Variants in ATP9B observed in about 807,000 individuals in gnomAD.
The protein encoded by ATP9B is probable phospholipid-transporting ATPase IIB.
A neutral mutation model predicts 146.1 loss-of-function variants in ATP9B; 110 were observed. The ratio of observed to expected loss-of-function variants is 0.75; its 90% confidence interval spans 0.65 to 0.88. The LOEUF (loss-of-function observed/expected upper bound fraction) is 0.88, where lower values mean the gene tolerates loss of function less well. Ranked by LOEUF, ATP9B falls within the 40% of genes least tolerant of loss-of-function variation. The pLI is 0.00. For synonymous variants in ATP9B, 604 were observed against 569.7 expected, an observed-to-expected ratio of 1.06 and a Z score of -0.86; for missense variants, 1,499 against 1,496.4, an observed-to-expected ratio of 1.00 and a Z score of -0.03.
At chr18:79,105,719 T>G (rs2075608858) in intron 2 of ATP9B, among the ~76,000 whole-genome samples, 2 of 152,226 alleles carry the variant, frequency 1.3e-5, no homozygotes, top group African/African-American at 4.8e-5. Flanking sequence ...CACTTTGTCC[T>G]TAGGAAAGTG....
At chr18:79,253,637 A>G (rs928092152) in intron 12 of ATP9B, 96 bp downstream of exon 12, 2 of 1,306,308 alleles carry the variant, frequency 1.5e-6, no homozygotes, top group African/African-American at 3.0e-5. Context: ...TTACCCAAAC[A>G]AAGCTAGAGA....
Position 79,234,569 on chromosome 18 carries a change from T to C in ATP9B, c.1108-18812T>C, listed in dbSNP as rs529031533. On this transcript the variant is annotated intron_variant, in intron 11 of 29. Coordinates refer to ENST00000426216, the MANE Select transcript of ATP9B (RefSeq NM_198531.5). ...CATGCTTGCTGCGGGCGTGCTGCTG[T>C]GGGCTTGCTTGCTGTGGGTGTGCTT... 2.6e-5 allele frequency among the ~76,000 whole-genome samples: 4 copies of C among 152,134 alleles called. No homozygotes were observed. In the East Asian group the frequency reaches 7.8e-4, roughly 29 times the overall value.
intron 11 of ATP9B, among the ~76,000 whole-genome samples, chr18:79,250,490 G>A (rs1468329134): frequency 1.3e-5 from 2 of 152,160 alleles, no homozygotes; most frequent in African/African-American, 4.8e-5. Context: ...CTGATCCTCA[G>A]TGAGGCCTGA....
intron 4 of ATP9B, among the ~76,000 whole-genome samples, chr18:79,118,288 T>C (rs1372445948): frequency 6.6e-6 from 1 of 152,100 alleles, no homozygotes; most frequent in African/African-American, 2.4e-5. Flanking sequence ...CTGCTGTTGA[T>C]TTTTTTCATT....
intron 9 of ATP9B, among the ~76,000 whole-genome samples, chr18:79,201,718 C>T (rs1378130410): frequency 2.0e-5 from 3 of 152,002 alleles, no homozygotes; most frequent in Non-Finnish European, 2.9e-5. Context: ...TACGGGTGTG[C>T]GCCACCAAGC....
At chr18:79,352,152 G>A (rs913008480) in intron 25 of ATP9B, among the ~76,000 whole-genome samples, 3 of 152,228 alleles carry the variant, frequency 2.0e-5, no homozygotes, top group Non-Finnish European at 4.4e-5. Context: ...AGCTGCCGGC[G>A]AGGACCTCAC....
At chr18:79,256,284 T>TATATATATATATATATATATACAC (rs1217998447) in intron 12 of ATP9B, among the ~76,000 whole-genome samples, 4 of 122,898 alleles carry the variant, frequency 3.3e-5, no homozygotes, top group African/African-American at 5.9e-5. Flanking sequence ...TATATATATA[T>TATATATATATATATATATATACAC]ATACATACAT....
Position 79,337,450 on chromosome 18 carries a change from G to C in ATP9B, c.2283+1G>C, listed in dbSNP as rs767092005. 9.3e-6 allele frequency: 15 copies of C among 1,608,472 alleles called. No homozygotes were observed. The highest frequency in any genetic ancestry group is 1.2e-5 in the Non-Finnish European group (14 of 1,179,256). The stretch of plus-strand genomic sequence containing the variant: ...GATGCTGCGCAACGCCGGGATCAAG[G>C]TACTGCAGGCTCACCTCTGCTGGCG... On this transcript the variant is annotated splice_donor_variant, in intron 19 of 29. Transcript: ENST00000426216. LOFTEE classifies it high-confidence loss of function.
rs954878016 is a variant in ATP9B at position 79,213,902 on chromosome 18, G to A, written c.1031-60G>A. On this transcript the variant is annotated intron_variant, in intron 10 of 29. Coordinates refer to ENST00000426216, the MANE Select transcript of ATP9B (RefSeq NM_198531.5). ...TTCCATCAAAACAATTAATTAGAAA[G>A]TGTTATCTTTTACTCATCTTTAAAG... The A allele has an allele frequency of 2.5e-6, 3 of 1,189,542 alleles. No individual in the cohort carries two copies. In the Admixed American group the frequency reaches 7.2e-5, roughly 29 times the overall value. 73.7% of individuals were successfully genotyped at this position (1,189,542 alleles called of 1,614,324 possible). A position where few individuals can be genotyped will look rare whatever the true frequency, so the allele number is the denominator to read the frequency against.
At position 79,100,601 on chromosome 18, in the gene ATP9B, A is replaced by T. The variant is rs571591092; in HGVS notation, c.293+3952A>T. Reference sequence around the variant, plus strand: ...TCTTTTACTTTTTAAAAAAATTTTTAAAAATTTTGAATTTGGAAATAATTA... The same window carrying T: ...TCTTTTACTTTTTAAAAAAATTTTTTAAAATTTTGAATTTGGAAATAATTA... On this transcript the variant is annotated intron_variant, in intron 2 of 29. Coordinates refer to ENST00000426216, the MANE Select transcript of ATP9B (RefSeq NM_198531.5). Among the ~76,000 whole-genome samples the T allele has an allele frequency of 3.0e-4, 45 of 152,236 alleles. 1 individual carries two copies. In the South Asian group the frequency reaches 7.1e-3, roughly 24 times the overall value.
rs145004181 is a variant in ATP9B at position 79,174,158 on chromosome 18, A to G, written c.779-2655A>G. 1.6e-3 allele frequency: 662 copies of G among 419,856 alleles called. 5 individuals are homozygous for G. In the Admixed American group the frequency reaches 0.017, roughly 11 times the overall value. The allele number at this position is 419,856 out of a possible 1,614,324, so 26.0% of individuals were successfully genotyped here. A position where few individuals can be genotyped will look rare whatever the true frequency, so the allele number is the denominator to read the frequency against. ...ATCTGCTCTATCTTTCTGGAAGTAA[A>G]CTTCCCTTAAAGGTTTTATTCATTT... On this transcript the variant is annotated intron_variant, in intron 7 of 29. Transcript: ENST00000426216.
At chr18:79,176,403 C>T (rs572951151) in intron 7 of ATP9B, among the ~76,000 whole-genome samples, 106 of 152,142 alleles carry the variant, frequency 7.0e-4, no homozygotes, top group Middle Eastern at 6.8e-3. Flanking sequence ...TTTTTTATGA[C>T]GGTAAATCTG....
At chr18:79,105,639 A>G (rs886619001) in intron 2 of ATP9B, among the ~76,000 whole-genome samples, 2 of 152,216 alleles carry the variant, frequency 1.3e-5, no homozygotes, top group African/African-American at 4.8e-5. Flanking sequence ...GTTGTGAGTC[A>G]TATTGATAGT....
intron 19 of ATP9B, among the ~76,000 whole-genome samples, chr18:79,341,045 C>A (rs1163331327): frequency 6.6e-6 from 1 of 152,158 alleles, no homozygotes; most frequent in Admixed American, 6.5e-5. Context: ...TCACATGCCT[C>A]CATATCTCAG....
intron 20 of ATP9B, 113 bp from the exon 21 acceptor site, chr18:79,344,152 T>C: frequency 9.8e-7 from 1 of 1,021,196 alleles, no homozygotes; most frequent in South Asian, 1.4e-5. Context: ...CCTTTGGTTT[T>C]AGATAATAAC....
At chr18:79,225,196 G>A (rs963521074) in intron 11 of ATP9B, among the ~76,000 whole-genome samples, 3 of 152,134 alleles carry the variant, frequency 2.0e-5, no homozygotes, top group Non-Finnish European at 4.4e-5. Flanking sequence ...GGGATATTCT[G>A]GATGCTAATA....
At chr18:79,306,134 G>T (rs926726504) in intron 14 of ATP9B, among the ~76,000 whole-genome samples, 1 of 152,206 alleles carries the variant, frequency 6.6e-6, no homozygotes, top group African/African-American at 2.4e-5. Flanking sequence ...ATGGGCAGGA[G>T]ATTCACAGTT....
chr18:79,169,178 TC>T (rs2095031372), intron 7 of ATP9B, among the ~76,000 whole-genome samples: 1 of 152,158 alleles, frequency 6.6e-6, no homozygotes, highest in Non-Finnish European at 1.5e-5. Flanking sequence ...AATGGGACTT[TC>T]CGTATCTTCC....
At chr18:79,078,708 A>ATGTG (rs2072910805) in intron 1 of ATP9B, among the ~76,000 whole-genome samples, 2 of 151,566 alleles carry the variant, frequency 1.3e-5, no homozygotes, top group African/African-American at 4.9e-5. Context: ...CTTGTGCAGA[A>ATGTG]TGTGCAGGTT....
Sources: gnomAD v4.1 joint callset for allele counts (sites outside exome capture counted in the v4.1 genomes callset) on GRCh38, gnomAD v4.1.1 for gene constraint, MANE v1.5 for transcripts, NCBI Gene and HGNC (gene_info 2026-07-23, HGNC 2026-07-21) for gene names.